Variants in ZNF365 observed in about 807,000 individuals in gnomAD.
ZNF365 encodes zinc finger protein 365.
Under a neutral mutation model 35.0 loss-of-function variants are expected in ZNF365, and 22 were observed. The observed-to-expected ratio is 0.63, with a 90% CI of 0.45 to 0.90. The LOEUF is 0.90. Ranked by LOEUF, ZNF365 falls within the 40% of genes least tolerant of loss-of-function variation. ZNF365 has a pLI of 0.00. For missense variants in ZNF365, 448 were observed against 500.3 expected (o/e 0.90, Z 1.00); for synonymous variants, 188 against 196.2 (o/e 0.96, Z 0.35).
intron 3 of ZNF365, among the ~76,000 whole-genome samples, chr10:62,414,785 C>A (rs12571570): frequency 0.57 from 85,934 of 151,496 alleles, 25,875 homozygotes; most frequent in East Asian, 0.76. Flanking sequence ...TCAAATATTT[C>A]TTCTGTCTCA....
Position 62,399,855 on chromosome 10 carries a change from T to C in ZNF365, c.*66T>C, listed in dbSNP as rs1839797649. 2 of 1,515,964 alleles carry C rather than the reference T, an allele frequency of 1.3e-6. No individual in the cohort carries two copies. Among genetic ancestry groups the C allele is most frequent in the South Asian group, 1.3e-5 (1 of 78,030 alleles). 93.9% of individuals were successfully genotyped at this position (1,515,964 alleles called of 1,614,324 possible). A position where few individuals can be genotyped will look rare whatever the true frequency, so the allele number is the denominator to read the frequency against. On this transcript the variant is annotated 3_prime_UTR_variant, in exon 5 of 5. Coordinates refer to ENST00000395254, the MANE Select transcript of ZNF365 (RefSeq NM_014951.3). ...GGAACGTTGTTCCAGGAGCCAACAGTAATGTCTTTCTGGAAACATTCCATA... is the reference window on the plus strand; with the variant it reads ...GGAACGTTGTTCCAGGAGCCAACAGCAATGTCTTTCTGGAAACATTCCATA...
intron 4 of ZNF365, among the ~76,000 whole-genome samples, chr10:62,460,949 C>G (rs1840837678): frequency 6.6e-6 from 1 of 152,114 alleles, no homozygotes; most frequent in Non-Finnish European, 1.5e-5. Flanking sequence ...GAAGGAGGGT[C>G]ACGCCCCCAC....
At chr10:62,441,177 T>C (rs1219582923) in intron 3 of ZNF365, among the ~76,000 whole-genome samples, 1 of 152,156 alleles carries the variant, frequency 6.6e-6, no homozygotes, top group Non-Finnish European at 1.5e-5. Flanking sequence ...CCAGTGAGGT[T>C]AAATTGCTTG....
intron 3 of ZNF365, 44 bp downstream of exon 3, chr10:62,388,620 T>C (rs1839567057): frequency 6.2e-7 from 1 of 1,605,394 alleles, no homozygotes; most frequent in Admixed American, 1.7e-5. Flanking sequence ...ATCCCTGTGG[T>C]TGGTGAGAAT....
At chr10:62,453,189 A>AT (rs1276310603) in intron 3 of ZNF365, among the ~76,000 whole-genome samples, 1 of 152,188 alleles carries the variant, frequency 6.6e-6, no homozygotes, top group Non-Finnish European at 1.5e-5. Context: ...ACATCCATAG[A>AT]TTTTGTAGTG....
In ZNF365 at chr10:62,478,325, G is replaced by C. The variant is rs141240169; in HGVS notation, c.982-1551G>C. ...GTTGATTCTGAAATCCCCCTAGGAG[G>C]ATATTATCTCAGAGAGGGAAGGATT... is the stretch of plus-strand genomic sequence containing the variant. On this transcript the variant is annotated intron_variant, in intron 4 of 4. Coordinates refer to the ZNF365 transcript ENST00000395255. Among the ~76,000 whole-genome samples the C allele has an allele frequency of 8.3e-4, 126 of 152,306 alleles. No individual in the cohort carries two copies. The Middle Eastern group carries it at 0.01, about 12-fold the overall frequency.
chr10:62,389,110 G>A (rs1839578733), intron 3 of ZNF365, among the ~76,000 whole-genome samples: 1 of 152,112 alleles, frequency 6.6e-6, no homozygotes, highest in South Asian at 2.1e-4. Flanking sequence ...GTAGATTCCT[G>A]CATACAGTTT....
At chr10:62,448,512 C>T (rs1840627432) in intron 3 of ZNF365, among the ~76,000 whole-genome samples, 1 of 152,100 alleles carries the variant, frequency 6.6e-6, no homozygotes, top group Admixed American at 6.6e-5. Context: ...TTGTTAAATG[C>T]GCCTGTAAAT....
chr10:62,469,555 A>AT (rs1158643117), intron 4 of ZNF365, among the ~76,000 whole-genome samples: 1 of 152,042 alleles, frequency 6.6e-6, no homozygotes, highest in Non-Finnish European at 1.5e-5. Flanking sequence ...TAAAGTTTAT[A>AT]TTTTTTATTT....
At chr10:62,457,113 G>T (rs755440317) in intron 3 of ZNF365, among the ~76,000 whole-genome samples, 1 of 152,030 alleles carries the variant, frequency 6.6e-6, no homozygotes, top group African/African-American at 2.4e-5. Flanking sequence ...TCCTGAGACC[G>T]GTGACCCATC....
At chr10:62,474,494 T>TGA (rs139347383) in intron 4 of ZNF365, among the ~76,000 whole-genome samples, 146 of 151,606 alleles carry the variant, frequency 9.6e-4, no homozygotes, top group African/African-American at 3.3e-3. Flanking sequence ...TTTGAAAGAA[T>TGA]GAGAGAGAGA....
Position 62,400,165 on chromosome 10 carries a change from G to A in ZNF365, c.*376G>A, listed in dbSNP as rs1224601310. 2 of 1,019,238 alleles carry A rather than the reference G, an allele frequency of 2.0e-6. No individual in the cohort carries two copies. Among genetic ancestry groups the A allele is most frequent in the Non-Finnish European group, 2.4e-6 (2 of 849,710 alleles). The allele number at this position is 1,019,238 out of a possible 1,614,324, so 63.1% of individuals were successfully genotyped here. A position where few individuals can be genotyped will look rare whatever the true frequency, so the allele number is the denominator to read the frequency against. ...TCAGGCCTAGGGAGAAAATTCATCT[G>A]TGCCCACTGCTCTCCAAAGTGCGAG... On this transcript the variant is annotated 3_prime_UTR_variant, in exon 5 of 5. Transcript: ENST00000395254.
At chr10:62,437,308 T>C (rs1840423123) in intron 3 of ZNF365, among the ~76,000 whole-genome samples, 1 of 152,196 alleles carries the variant, frequency 6.6e-6, no homozygotes, top group Non-Finnish European at 1.5e-5. Flanking sequence ...CTTTAAAAAA[T>C]GTAGTTTTCT....
At chr10:62,471,613 G>A (rs1196321775) in intron 4 of ZNF365, among the ~76,000 whole-genome samples, 1 of 152,032 alleles carries the variant, frequency 6.6e-6, no homozygotes, top group African/African-American at 2.4e-5. Flanking sequence ...ATGATTATAT[G>A]GCTTACTATT....
Position 62,383,397 on chromosome 10 carries a change from G to C in ZNF365, c.744-4999G>C, listed in dbSNP as rs1839473308. Among the ~76,000 whole-genome samples the C allele has an allele frequency of 3.3e-5, 5 of 152,226 alleles. No individual in the cohort carries two copies. In the South Asian group the frequency reaches 6.2e-4, roughly 19 times the overall value. ...TGTCTGAGAATACTCCCTGGCAAGA[G>C]AGTCTGAGGTTAGAGGAATAGTTAA... On this transcript the variant is annotated intron_variant, in intron 2 of 4. Transcript: ENST00000395254.
At chr10:62,404,860 T>C (rs2132434147), downstream of ZNF365, among the ~76,000 whole-genome samples, 1 of 152,346 alleles carries the variant, frequency 6.6e-6, no homozygotes, top group Admixed American at 6.5e-5. Flanking sequence ...GGAGATTTTA[T>C]TTCACTGACT....
intron 3 of ZNF365, among the ~76,000 whole-genome samples, chr10:62,427,663 G>A (rs1472062799): frequency 1.3e-5 from 2 of 152,052 alleles, no homozygotes; most frequent in African/African-American, 2.4e-5. Context: ...TGGTACTTGC[G>A]TATTTGCATT....
At chr10:62,381,330 T>C (rs185793638) in intron 2 of ZNF365, among the ~76,000 whole-genome samples, 1 of 152,244 alleles carries the variant, frequency 6.6e-6, no homozygotes, top group African/African-American at 2.4e-5. Flanking sequence ...AACACACTCA[T>C]TTTATACATG....
At chr10:62,465,699 C>T (rs1840931901) in intron 4 of ZNF365, among the ~76,000 whole-genome samples, 1 of 152,188 alleles carries the variant, frequency 6.6e-6, no homozygotes, top group Admixed American at 6.5e-5. Context: ...AGTAAAGCTC[C>T]TCTCTGCCTG....
Sources: gnomAD v4.1 joint callset for allele counts (sites outside exome capture counted in the v4.1 genomes callset) on GRCh38, gnomAD v4.1.1 for gene constraint, MANE v1.5 for transcripts, NCBI Gene and HGNC (gene_info 2026-07-23, HGNC 2026-07-21) for gene names.